The following LRRIQ3 variants were observed in gnomAD, a reference collection of about 807,000 sequenced individuals.
LRRIQ3 encodes leucine rich repeats and IQ motif containing 3, also known as leucine-rich repeat and IQ domain-containing protein 3.
LRRIQ3 carries 75 observed loss-of-function variants against 59.3 expected under a neutral mutation model. That is an observed-to-expected ratio of 1.26 (90% CI 1.05 to 1.53). The LOEUF (loss-of-function observed/expected upper bound fraction) is 1.53, where lower values mean the gene tolerates loss of function less well. Among genes scored for constraint, LRRIQ3 ranks in the 40% most tolerant of loss-of-function variants. The pLI is 0.00. For synonymous variants in LRRIQ3, 250 were observed against 231.3 expected (o/e 1.08, Z -0.73); for missense variants, 831 against 710.0 (o/e 1.17, Z -1.94).
At chr1:74,112,597 T>A (rs184044887) in intron 4 of LRRIQ3, among the ~76,000 whole-genome samples, 1 of 152,100 alleles carries the variant, frequency 6.6e-6, no homozygotes, top group East Asian at 1.9e-4. Flanking sequence ...TTAGTGGAGG[T>A]TGACACTGGG....
At chr1:74,112,029 G>C (rs570899174) in intron 4 of LRRIQ3, among the ~76,000 whole-genome samples, 2 of 152,176 alleles carry the variant, frequency 1.3e-5, no homozygotes, top group Non-Finnish European at 2.9e-5. Context: ...AGAGAATACT[G>C]GAGCCCTGGT....
At chr1:74,028,505 G>A (rs1175475650) in intron 7 of LRRIQ3, among the ~76,000 whole-genome samples, 1 of 152,042 alleles carries the variant, frequency 6.6e-6, no homozygotes, top group Non-Finnish European at 1.5e-5. Flanking sequence ...TGTAGGTAGA[G>A]CAACAAGACG....
chr1:74,071,593 G>T (rs757047783), intron 6 of LRRIQ3, among the ~76,000 whole-genome samples: 1 of 152,016 alleles, frequency 6.6e-6, no homozygotes, highest in Non-Finnish European at 1.5e-5. Context: ...TCTTTTGATT[G>T]TATCCTTGAT....
intron 5 of LRRIQ3, chr1:74,081,853 T>C (rs1483297535): frequency 1.3e-5 from 2 of 151,476 alleles, no homozygotes; most frequent in African/African-American, 4.8e-5. Flanking sequence ...ATTAATATCA[T>C]TGTTTATAGC....
At chr1:74,032,762 TG>T (rs1392057892) in intron 7 of LRRIQ3, among the ~76,000 whole-genome samples, 1 of 151,992 alleles carries the variant, frequency 6.6e-6, no homozygotes, top group Non-Finnish European at 1.5e-5. Flanking sequence ...TTCATAGTCC[TG>T]GGAATCAAGG....
intron 5 of LRRIQ3, among the ~76,000 whole-genome samples, chr1:74,077,769 G>GCTTA (rs1646226434): frequency 6.6e-6 from 1 of 151,904 alleles, no homozygotes; most frequent in South Asian, 2.1e-4. Flanking sequence ...AGGAACTGAG[G>GCTTA]CTTACACAAG....
chr1:74,075,643 G>T (rs1170585815), intron 5 of LRRIQ3, among the ~76,000 whole-genome samples: 5 of 152,106 alleles, frequency 3.3e-5, no homozygotes, highest in Non-Finnish European at 7.4e-5. Context: ...GCTTCATGGG[G>T]AACAGAGGCA....
chr1:74,066,535 A>C (rs1422921534), intron 6 of LRRIQ3, among the ~76,000 whole-genome samples: 1 of 152,146 alleles, frequency 6.6e-6, no homozygotes, highest in African/African-American at 2.4e-5. Context: ...CAGCAGCAGC[A>C]GCAGCTAACA....
intron 5 of LRRIQ3, among the ~76,000 whole-genome samples, chr1:74,106,273 A>G (rs560247897): frequency 1.3e-5 from 2 of 152,190 alleles, no homozygotes; most frequent in East Asian, 3.9e-4. Context: ...GTTTCTGGCC[A>G]TCACTTTCTT....
intron 3 of LRRIQ3, among the ~76,000 whole-genome samples, chr1:74,175,135 C>T (rs908874897): frequency 5.3e-5 from 8 of 152,128 alleles, no homozygotes; most frequent in Admixed American, 3.3e-4. Flanking sequence ...GCCTGCTGAC[C>T]AGCGTCTACT....
intron 3 of LRRIQ3, among the ~76,000 whole-genome samples, chr1:74,165,017 T>A (rs1454492936): frequency 6.6e-6 from 1 of 151,722 alleles, no homozygotes; most frequent in African/African-American, 2.4e-5. Flanking sequence ...GTTCTATTGA[T>A]CTATGTGCCC....
intron 4 of LRRIQ3, among the ~76,000 whole-genome samples, chr1:74,118,558 T>C (rs910839663): frequency 6.6e-6 from 1 of 151,994 alleles, no homozygotes; most frequent in Non-Finnish European, 1.5e-5. Flanking sequence ...CCCAGCCTTC[T>C]CCCCAACCCC....
At chr1:74,153,604 T>C (rs575090537) in intron 4 of LRRIQ3, among the ~76,000 whole-genome samples, 1 of 152,316 alleles carries the variant, frequency 6.6e-6, no homozygotes, top group South Asian at 2.1e-4. Context: ...TGTCAGGCAT[T>C]CTGTTACATA....
intron 1 of LRRIQ3, among the ~76,000 whole-genome samples, chr1:74,190,236 T>TTAA (rs1256170100): frequency 6.6e-6 from 1 of 152,014 alleles, no homozygotes; most frequent in Admixed American, 6.6e-5. Context: ...ACAACTAGGA[T>TTAA]TAATATGCTA....
In LRRIQ3 at chr1:74,183,523, T is replaced by C; in HGVS notation, c.162A>G (p.Val54=). 1.2e-6 allele frequency: 2 copies of C among 1,611,384 alleles called. No individual in the cohort carries two copies. Among genetic ancestry groups the C allele is most frequent in the African/African-American group, 1.3e-5 (1 of 74,928 alleles). ...ENLQSCISLR[V]CIFSNNFITD... is the part of the protein sequence containing the mutation. ...TAATAAAATTGTTTGAGAAGATGCA[T>C]ACTCTAAGAGAGATGCAAGACTGCA... Residue 54 remains valine, a synonymous_variant, in exon 2 of 8, where the codon GTA becomes GTG. Transcript: ENST00000354431.
chr1:74,194,094 G>A (rs1174586371), intron 1 of LRRIQ3, among the ~76,000 whole-genome samples: 8 of 152,102 alleles, frequency 5.3e-5, no homozygotes, highest in Admixed American at 5.2e-4. Context: ...GGCCGGTGCA[G>A]TGACTCATGC....
Position 74,146,884 on chromosome 1 carries a change from C to A in LRRIQ3, c.707+8849G>T, listed in dbSNP as rs1344373484. On this transcript the variant is annotated intron_variant, in intron 4 of 7. Coordinates refer to ENST00000354431, the MANE Select transcript of LRRIQ3 (RefSeq NM_001105659.2). Reference sequence around the variant, plus strand: ...ACAGTAAGTAGGATAGTTGATTAGACCTAAATAGTTAATATTGTTTTATAA... The same window carrying A: ...ACAGTAAGTAGGATAGTTGATTAGAACTAAATAGTTAATATTGTTTTATAA... Among the ~76,000 whole-genome samples, 10 of 152,238 alleles carry A rather than the reference C, an allele frequency of 6.6e-5. No homozygotes were observed. In the East Asian group the frequency reaches 1.7e-3, roughly 26 times the overall value.
At chr1:74,057,268 C>T (rs1183700582) in intron 6 of LRRIQ3, among the ~76,000 whole-genome samples, 1 of 151,832 alleles carries the variant, frequency 6.6e-6, no homozygotes, top group African/African-American at 2.4e-5. Context: ...AACTCTGAGC[C>T]AAAAGAATAC....
At chr1:74,090,997 AT>A (rs1246882371) in intron 5 of LRRIQ3, among the ~76,000 whole-genome samples, 1 of 152,132 alleles carries the variant, frequency 6.6e-6, no homozygotes, top group Admixed American at 6.6e-5. Flanking sequence ...TCAGGTCAAA[AT>A]TTAAGAGAAG....
Sources: gnomAD v4.1 joint callset for allele counts (sites outside exome capture counted in the v4.1 genomes callset) on GRCh38, gnomAD v4.1.1 for gene constraint, MANE v1.5 for transcripts, NCBI Gene and HGNC (gene_info 2026-07-23, HGNC 2026-07-21) for gene names.